The following HBS1L variants were observed in gnomAD, a reference collection of about 807,000 sequenced individuals.
HBS1L encodes the protein HBS1 like translational GTPase.
HBS1L carries 55 observed loss-of-function variants against 88.9 expected under a neutral mutation model. The observed-to-expected ratio is 0.62, with a 90% confidence interval of 0.50 to 0.77. The LOEUF is 0.77. Among genes scored for constraint, HBS1L ranks in the 30% least tolerant of loss-of-function variants. The probability of loss-of-function intolerance (pLI) is 0.00; values close to 1 mark genes in which losing one functional copy is unlikely to be tolerated. For missense variants in HBS1L, 741 were observed against 829.3 expected, an observed-to-expected ratio of 0.89 and a Z score of 1.31; for synonymous variants, 267 against 288.5, an observed-to-expected ratio of 0.93 and a Z score of 0.76.
intron 2 of HBS1L, among the ~76,000 whole-genome samples, chr6:135,042,430 G>A (rs1776768862): frequency 6.6e-6 from 1 of 151,598 alleles, no homozygotes; most frequent in Non-Finnish European, 1.5e-5. Context: ...TCTCTTCTTT[G>A]TATACTATTC....
At chr6:134,968,092 G>C (rs566115907) in intron 16 of HBS1L, among the ~76,000 whole-genome samples, 2 of 152,184 alleles carry the variant, frequency 1.3e-5, no homozygotes, top group South Asian at 4.2e-4. Flanking sequence ...ACCACATTTG[G>C]CCTCTTCTGC....
chr6:134,997,405 A>C lies in HBS1L; in HGVS notation c.791T>G (p.Val264Gly). ...RQGGKQLLNL[V>G]VIGHVDAGKS... ...GGGACAAAGAGCATTACCAATGACC[A>C]CTAAGTTGAGTAGCTGCTTCCCTCC... is the stretch of plus-strand genomic sequence containing the variant. The change falls in exon 6 of 18, where the codon GTG (valine) becomes GGG (glycine). Residue 264 changes from valine to glycine, a missense_variant. Physicochemically the swap from Val to Gly is moderately radical, Grantham distance 109 (BLOSUM62 -3). This residue lies in a region of HBS1L where 556 missense variants were observed against 598.4 expected (regional missense o/e 0.93). Transcript: ENST00000367837. 3 of 1,613,910 alleles carry C rather than the reference A, an allele frequency of 1.9e-6. No homozygotes were observed. The highest frequency in any genetic ancestry group is 2.5e-6 in the Non-Finnish European group (3 of 1,179,920).
In HBS1L at chr6:135,039,740, A is replaced by G; in HGVS notation, c.263T>C (p.Met88Thr). The G allele has an allele frequency of 1.2e-6, 2 of 1,613,728 alleles. No individual in the cohort carries two copies. Among genetic ancestry groups the G allele is most frequent in the African/African-American group, 1.3e-5 (1 of 75,060 alleles). The change falls in exon 4 of 18, where the codon ATG becomes ACG. Residue 88 changes from methionine to threonine, a missense_variant. Around this residue, in one of 3 missense-constraint regions of HBS1L, gnomAD observed 556 missense variants for 598.4 expected, o/e 0.93. Coordinates refer to ENST00000367837, the MANE Select transcript of HBS1L (RefSeq NM_006620.4). Reference sequence around the variant, plus strand: ...CACAGCATCTCCAAGTACCTCTCTCATGTGATCAAGGCATGAATAAAGACG... The same window carrying G: ...CACAGCATCTCCAAGTACCTCTCTCGTGTGATCAAGGCATGAATAAAGACG... ...QARLYSCLDH[M>T]REVLGDAVPD...
At chr6:134,982,595 C>A in intron 12 of HBS1L, 33 bp from the exon 13 acceptor site, 2 of 1,243,440 alleles carry the variant, frequency 1.6e-6, no homozygotes, top group Non-Finnish European at 2.4e-6. Context: ...ATGGTTCATA[C>A]AGCAATGTTA....
chr6:135,002,836 G>C lies in HBS1L; in HGVS notation c.437C>G (p.Pro146Arg), dbSNP rs775746295. ...VSTGKIAKGKPVDSQTSRSES... is the reference protein window; with the variant it reads ...VSTGKIAKGKRVDSQTSRSES... Reference sequence around the variant, plus strand: ...ACTTCGCGATGTCTGGGAATCTACTGGTTTTCCTAGTTAAGGAGTAAAATA... The same window carrying C: ...ACTTCGCGATGTCTGGGAATCTACTCGTTTTCCTAGTTAAGGAGTAAAATA... The change falls in exon 5 of 18, where the codon CCA (proline) becomes CGA (arginine). Residue 146 changes from proline (P) to arginine (R), a missense_variant. Transcript: ENST00000367837. 1 of 1,608,884 alleles carries C rather than the reference G, an allele frequency of 6.2e-7. No homozygotes were observed. Among genetic ancestry groups the C allele is most frequent in the South Asian group, 1.1e-5 (1 of 90,826 alleles).
chr6:135,007,825 A>G (rs1285132694), intron 4 of HBS1L, among the ~76,000 whole-genome samples: 1 of 152,238 alleles, frequency 6.6e-6, no homozygotes, highest in Non-Finnish European at 1.5e-5. Context: ...AAGAAATTGA[A>G]CACTAAATTT....
chr6:135,003,842 G>A (rs1330060581), intron 4 of HBS1L, among the ~76,000 whole-genome samples: 5 of 152,082 alleles, frequency 3.3e-5, no homozygotes, highest in African/African-American at 1.2e-4. Context: ...TCCAGCCTAG[G>A]CGACAGAGTG....
chr6:135,040,344 C>CTTTTTTTTTTTTTT (rs71006751), intron 3 of HBS1L, among the ~76,000 whole-genome samples: 1 of 110,060 alleles, frequency 9.1e-6, no homozygotes, highest in African/African-American at 3.6e-5. Context: ...GATAGGCATT[C>CTTTTTTTTTTTTTT]TTTTTTTTTT....
chr6:134,973,011 A>C (rs1443508457), intron 15 of HBS1L, among the ~76,000 whole-genome samples: 2 of 152,248 alleles, frequency 1.3e-5, no homozygotes, highest in African/African-American at 4.8e-5. Flanking sequence ...AAAATGGTAG[A>C]GCCCCTGTGG....
chr6:134,996,611 G>C (rs541439547), intron 7 of HBS1L, among the ~76,000 whole-genome samples, 166 bp downstream of exon 7: 103 of 152,178 alleles, frequency 6.8e-4, no homozygotes, highest in African/African-American at 2.2e-3. Context: ...AAAACAGTAT[G>C]CAGATTACAT....
intron 5 of HBS1L, among the ~76,000 whole-genome samples, chr6:134,999,108 A>G (rs1057072732): frequency 1.3e-5 from 2 of 152,228 alleles, no homozygotes; most frequent in Non-Finnish European, 2.9e-5. Context: ...CTGTGACTAG[A>G]CATAGGCTCT....
chr6:134,966,453 T>C lies in HBS1L; in HGVS notation c.1919A>G (p.Asn640Ser), dbSNP rs1385334773. 1.9e-6 allele frequency: 3 copies of C among 1,597,620 alleles called. No individual in the cohort carries two copies. Among genetic ancestry groups the C allele is most frequent in the Admixed American group, 1.7e-5 (1 of 57,640 alleles). Residue 640 changes from asparagine (N) to serine (S), a missense_variant, in exon 17 of 18, where the codon AAT becomes AGT. Asn to Ser is a conservative substitution (Grantham distance 46). Around this residue, in one of 3 missense-constraint regions of HBS1L, gnomAD observed 181 missense variants for 212.7 expected, o/e 0.85. Coordinates refer to ENST00000367837, the MANE Select transcript of HBS1L (RefSeq NM_006620.4). ...TTGTGTCTGTAGCTCTACCAATGCA[T>C]TCTGGCCTTTAGTCAAAAACCTATT... ...KKPKFLTKGQ[N>S]ALVELQTQRP...
intron 13 of HBS1L, among the ~76,000 whole-genome samples, chr6:134,980,542 G>A (rs1383510691): frequency 2.0e-5 from 3 of 151,930 alleles, no homozygotes; most frequent in African/African-American, 7.2e-5. Context: ...AATAGAGATT[G>A]ACTTTGGCTT....
At chr6:134,988,800 C>G (rs73774529) in intron 8 of HBS1L, among the ~76,000 whole-genome samples, 5,149 of 152,232 alleles carry the variant, frequency 0.034, 294 homozygotes, top group African/African-American at 0.12. Flanking sequence ...TACTTCCCAT[C>G]AATTCCACCT....
At chr6:134,987,538 G>A in intron 9 of HBS1L, 107 bp downstream of exon 9, 2 of 723,630 alleles carry the variant, frequency 2.8e-6, no homozygotes, top group Non-Finnish European at 4.1e-6. Flanking sequence ...TTAAAAACAT[G>A]GCAACCGACT....
At chr6:135,045,726 T>C (rs1203259864) in intron 2 of HBS1L, among the ~76,000 whole-genome samples, 1 of 152,080 alleles carries the variant, frequency 6.6e-6, no homozygotes, top group Non-Finnish European at 1.5e-5. Flanking sequence ...TCCCAGCTAC[T>C]TGAGAGGCTG....
chr6:134,993,768 C>A lies in HBS1L; in HGVS notation c.1073G>T (p.Gly358Val). 1.3e-6 allele frequency: 2 copies of A among 1,555,324 alleles called. No individual in the cohort carries two copies. The highest frequency in any genetic ancestry group is 1.8e-6 in the Non-Finnish European group (2 of 1,136,114). The change falls in exon 8 of 18, where the codon GGA (glycine) becomes GTA (valine). Residue 358 changes from glycine (G) to valine (V), a missense_variant. Around this residue, in one of 3 missense-constraint regions of HBS1L, gnomAD observed 556 missense variants for 598.4 expected, o/e 0.93. Coordinates refer to ENST00000367837, the MANE Select transcript of HBS1L (RefSeq NM_006620.4). ...HKDFIPNMIT[G>V]AAQADVAVLV... ...GAAAACAGCAGTTACCTGGGCTGCTCCTGTAATCATATTTGGAATGAAGTC... is the reference window on the plus strand; with the variant it reads ...GAAAACAGCAGTTACCTGGGCTGCTACTGTAATCATATTTGGAATGAAGTC...
Position 134,964,822 on chromosome 6 carries a change from G to GGAAAA in HBS1L, c.*456_*457insTTTTC, listed in dbSNP as rs1774262693. ...CCAAATCTTTTCTTAGCATTAACTG[G>GGAAAA]AAAAAAAAAAAAAAAAAAAGCTTAG... On this transcript the variant is annotated 3_prime_UTR_variant, in exon 18 of 18. Coordinates refer to ENST00000367837, the MANE Select transcript of HBS1L (RefSeq NM_006620.4). The GGAAAA allele has an allele frequency of 2.4e-5, 2 of 84,394 alleles. No individual in the cohort carries two copies. Among genetic ancestry groups the GGAAAA allele is most frequent in the Non-Finnish European group, 4.7e-5 (2 of 42,468 alleles). 5.2% of individuals were successfully genotyped at this position (84,394 alleles called of 1,614,324 possible). A position where few individuals can be genotyped will look rare whatever the true frequency, so the allele number is the denominator to read the frequency against.
intron 4 of HBS1L, among the ~76,000 whole-genome samples, chr6:135,014,851 CAAAAAAA>C (rs57153800): frequency 9.4e-5 from 8 of 85,380 alleles, no homozygotes; most frequent in African/African-American, 2.7e-4. Flanking sequence ...ACTGTCTCTA[CAAAAAAA>C]AAAAAAAAAA....
Sources: gnomAD v4.1 joint callset for allele counts (sites outside exome capture counted in the v4.1 genomes callset) on GRCh38, gnomAD v4.1.1 for gene constraint, gnomAD v4.1.1 regional missense constraint, MANE v1.5 for transcripts, NCBI Gene and HGNC (gene_info 2026-07-23, HGNC 2026-07-21) for gene names.